The following TRPM5 variants were observed in gnomAD, a reference collection of about 807,000 sequenced individuals.
TRPM5 encodes transient receptor potential cation channel subfamily M member 5, also known as MLSN1 and TRP-related.
TRPM5 carries 121 observed loss-of-function variants against 124.9 expected under a neutral mutation model. The observed-to-expected ratio is 0.97, with a 90% CI of 0.84 to 1.13. The LOEUF is 1.13. Ranked by LOEUF, TRPM5 falls within the 50% of genes most tolerant of loss-of-function variation. The pLI, the probability that TRPM5 is intolerant of heterozygous loss-of-function variation, is 0.00. For synonymous variants in TRPM5, 781 were observed against 700.5 expected (o/e 1.11, Z -1.81); for missense variants, 1,643 against 1,589.1 (o/e 1.03, Z -0.58).
intron 19 of TRPM5, 106 bp downstream of exon 24, chr11:2,407,653 A>AC: frequency 7.0e-7 from 1 of 1,438,580 alleles, no homozygotes; most frequent in Non-Finnish European, 9.5e-7. Context: ...ACCAAGCCTC[A>AC]CCCTCTGCAG....
chr11:2,432,863 T>C, the TRPM5 span, among the ~76,000 whole-genome samples: 15,397 of 152,136 alleles, frequency 0.1, 910 homozygotes, highest in South Asian at 0.24. Flanking sequence ...AAGCTGATGG[T>C]GGGGGCGTCA....
At chr11:2,430,062 G>T in the TRPM5 span, among the ~76,000 whole-genome samples, 4 of 151,860 alleles carry the variant, frequency 2.6e-5, no homozygotes, top group Non-Finnish European at 5.9e-5. Flanking sequence ...CAAAAAAACT[G>T]CAGAAGTTCT....
At chr11:2,425,360 C>T (rs192359236), upstream of TRPM5, among the ~76,000 whole-genome samples, 107 of 152,228 alleles carry the variant, frequency 7.0e-4, no homozygotes, top group African/African-American at 2.4e-3. Flanking sequence ...TGGCTGTGGC[C>T]GCGTGGCTCC....
chr11:2,415,133 G>T (rs866795581), exon 9 of TRPM5: 1 of 1,570,522 alleles, frequency 6.4e-7, no homozygotes, highest in East Asian at 2.3e-5. Flanking sequence ...CCCTCCTGCG[G>T]TCCCCTGGCC....
the TRPM5 span, among the ~76,000 whole-genome samples, chr11:2,440,786 A>C: frequency 1.3e-5 from 2 of 152,218 alleles, no homozygotes; most frequent in East Asian, 3.9e-4. This position sits in a 1 kb window ranked among gnomAD's most constrained non-coding sequence, Gnocchi z 5.2. Context: ...AGGTAGGAAG[A>C]CTACCTGAAG....
At chr11:2,411,893 C>G (rs1004643777) in intron 16 of TRPM5, 126 bp from the exon 22 acceptor site, 167 of 1,209,202 alleles carry the variant, frequency 1.4e-4, no homozygotes, top group Non-Finnish European at 1.8e-4. Context: ...CCCTGAGTGG[C>G]TTCATCTTTT....
chr11:2,412,061 C>A, intron 16 of TRPM5, 74 bp downstream of exon 21: 2 of 1,329,682 alleles, frequency 1.5e-6, no homozygotes, highest in Non-Finnish European at 2.2e-6. Flanking sequence ...CCGCCACACC[C>A]AACCTGAGTG....
chr11:2,410,083 T>C (rs1341278058), intron 18 of TRPM5, among the ~76,000 whole-genome samples: 4 of 152,168 alleles, frequency 2.6e-5, no homozygotes, highest in Admixed American at 1.3e-4. Context: ...GGAGGCCGTA[T>C]GGTGAGGGCG....
chr11:2,438,091 T>G, the TRPM5 span, among the ~76,000 whole-genome samples: 1 of 152,024 alleles, frequency 6.6e-6, no homozygotes, highest in Non-Finnish European at 1.5e-5. This position sits in a 1 kb window ranked among gnomAD's most constrained non-coding sequence, Gnocchi z 5.9. Flanking sequence ...AACCATATGG[T>G]CCTCTCAATA....
intron 7 of TRPM5, 46 bp downstream of exon 12, chr11:2,417,681 G>C (rs776706231): frequency 2.0e-6 from 3 of 1,490,776 alleles, no homozygotes; most frequent in Non-Finnish European, 9.1e-7. Context: ...CTCTGAGCAT[G>C]AAGCCCCCCA....
intron 12 of TRPM5, 39 bp from the exon 18 acceptor site, chr11:2,413,627 C>T (rs777895475): frequency 4.1e-5 from 64 of 1,579,246 alleles, no homozygotes; most frequent in Non-Finnish European, 3.7e-5. Context: ...AACTCTGCAC[C>T]TTTGCCCAGG....
rs1418935000 is a variant in TRPM5, at chr11:2,404,844, G to C, written c.*93C>G. On this transcript the variant is annotated 3_prime_UTR_variant, in exon 24 of 24. Coordinates refer to ENST00000155858, the Ensembl canonical transcript of TRPM5. ...TCTGCTGGGGGGCTGGTGCCCCCTG[G>C]GGGGTTCCGCTGGAGGTCGGCAAAG... The C allele has an allele frequency of 1.3e-5, 14 of 1,075,866 alleles. No homozygotes were observed. The South Asian group carries it at 1.4e-4, about 11-fold the overall frequency. The allele number at this position is 1,075,866 out of a possible 1,614,324, so 66.6% of individuals were successfully genotyped here.
At chr11:2,420,877 A>G in intron 3 of TRPM5, 155 bp downstream of exon 8, 2 of 861,210 alleles carry the variant, frequency 2.3e-6, no homozygotes, top group Non-Finnish European at 3.4e-6. Context: ...CCTATGCGGT[A>G]CTGCCACCTG....
chr11:2,417,310 C>G (rs966247185), intron 7 of TRPM5, among the ~76,000 whole-genome samples: 4 of 152,148 alleles, frequency 2.6e-5, no homozygotes, highest in Non-Finnish European at 5.9e-5. Flanking sequence ...ACAAAATTAG[C>G]CGGGCATGGT....
At chr11:2,404,910 G>C in exon 24 of TRPM5, 3 of 1,585,906 alleles carry the variant, frequency 1.9e-6, no homozygotes, top group Non-Finnish European at 2.6e-6. Context: ...GAGGAGAGGT[G>C]GCCCCACACG....
intron 19 of TRPM5, 110 bp from the exon 25 acceptor site, chr11:2,407,410 C>G: frequency 9.2e-7 from 1 of 1,090,826 alleles, no homozygotes; most frequent in Non-Finnish European, 1.3e-6. Flanking sequence ...AACTGAGGCC[C>G]AGCACTGCTT....
intron 18 of TRPM5, chr11:2,410,830 C>G: frequency 2.7e-6 from 1 of 373,584 alleles, no homozygotes; most frequent in South Asian, 2.0e-5. Flanking sequence ...GGCCAAATGG[C>G]GAAGGGGCCT....
At chr11:2,435,324 G>A in the TRPM5 span, among the ~76,000 whole-genome samples, 1 of 152,044 alleles carries the variant, frequency 6.6e-6, no homozygotes, top group Non-Finnish European at 1.5e-5. This position sits in a 1 kb window ranked among gnomAD's most constrained non-coding sequence, Gnocchi z 4.1. Flanking sequence ...GCAAATAACT[G>A]GACGAAGGGC....
chr11:2,412,378 G>T (rs2133512761), intron 15 of TRPM5, 125 bp from the exon 21 acceptor site: 151 of 560,804 alleles, frequency 2.7e-4, no homozygotes, highest in Non-Finnish European at 3.7e-4. Context: ...GAGGCTACCA[G>T]TGGGACTAGG....
Sources: gnomAD v4.1 joint callset for allele counts (sites outside exome capture counted in the v4.1 genomes callset) on GRCh38, gnomAD v4.1.1 for gene constraint, Gnocchi (gnomAD v3.1) non-coding constraint, MANE v1.5 for transcripts, NCBI Gene and HGNC (gene_info 2026-07-23, HGNC 2026-07-21) for gene names.